Variants in GRIN2B observed in about 807,000 individuals in gnomAD.
GRIN2B encodes glutamate ionotropic receptor NMDA type subunit 2B.
In GRIN2B, 5 loss-of-function variants were observed where a neutral mutation model predicts 114.5. The ratio of observed to expected loss-of-function variants is 0.04; its 90% CI spans 0.02 to 0.09. GRIN2B has a LOEUF of 0.09. Among genes scored for constraint, GRIN2B ranks in the 10% least tolerant of loss-of-function variants. The pLI, the probability that GRIN2B is intolerant of heterozygous loss-of-function variation, is 1.00. For synonymous variants in GRIN2B, 787 were observed against 745.1 expected, an observed-to-expected ratio of 1.06 and a Z score of -0.92; for missense variants, 1,108 against 1,943.5, an observed-to-expected ratio of 0.57 and a Z score of 8.08.
At chr12:13,885,954 G>T (rs1866149397) in intron 2 of GRIN2B, among the ~76,000 whole-genome samples, 2 of 152,116 alleles carry the variant, frequency 1.3e-5, no homozygotes, top group African/African-American at 4.8e-5. Flanking sequence ...AGGTGATGTG[G>T]AACACCTGGA....
intron 2 of GRIN2B, among the ~76,000 whole-genome samples, chr12:13,909,632 G>A (rs1392125376): frequency 2.0e-5 from 3 of 152,164 alleles, no homozygotes; most frequent in African/African-American, 2.4e-5. Flanking sequence ...GCGGCCTGAC[G>A]GCTGACACTT....
chr12:13,549,993 C>A lies in GRIN2B; in HGVS notation c.*12790G>T, dbSNP rs973543021. 3.3e-5 allele frequency: 5 copies of A among 152,298 alleles called. No homozygotes were observed. Among genetic ancestry groups the A allele is most frequent in the Admixed American group, 2.6e-4 (4 of 15,296 alleles). The allele number at this position is 152,298 out of a possible 1,614,324, so 9.4% of individuals were successfully genotyped here. ...GGGGCAGACAATTCAGGCAGCATTA[C>A]TCGCTGAGCTAGACTGAGAGTTAGA... On this transcript the variant is annotated 3_prime_UTR_variant, in exon 14 of 14. Coordinates refer to ENST00000609686, the MANE Select transcript of GRIN2B (RefSeq NM_000834.5).
chr12:13,970,103 G>A (rs1049294189), intron 2 of GRIN2B, among the ~76,000 whole-genome samples: 5 of 152,112 alleles, frequency 3.3e-5, no homozygotes, highest in Admixed American at 6.6e-5. Context: ...CACCTGCCTC[G>A]GCCTCCCAAG....
intron 3 of GRIN2B, among the ~76,000 whole-genome samples, chr12:13,775,691 A>G (rs1380428262): frequency 6.6e-6 from 1 of 152,240 alleles, no homozygotes; most frequent in Non-Finnish European, 1.5e-5. Context: ...GCAGTATATG[A>G]AAAGTGTACC....
intron 10 of GRIN2B, 136 bp downstream of exon 10, chr12:13,608,467 A>G: frequency 1.4e-6 from 1 of 710,626 alleles, no homozygotes; most frequent in Non-Finnish European, 2.5e-6. Context: ...TTCTACTCCC[A>G]TGTTCCAATA....
At chr12:13,959,141 A>G (rs1221768637) in intron 2 of GRIN2B, among the ~76,000 whole-genome samples, 1 of 152,214 alleles carries the variant, frequency 6.6e-6, no homozygotes, top group Non-Finnish European at 1.5e-5. Flanking sequence ...GTTATTCAGG[A>G]AAGTTTCTTA....
At chr12:13,618,084 A>C (rs373969737) in intron 5 of GRIN2B, among the ~76,000 whole-genome samples, 2 of 152,184 alleles carry the variant, frequency 1.3e-5, no homozygotes, top group Non-Finnish European at 2.9e-5. Context: ...GCTTTCCTTC[A>C]TGTGTATAGG....
chr12:13,761,176 A>G (rs1164366288), intron 3 of GRIN2B, among the ~76,000 whole-genome samples: 2 of 152,226 alleles, frequency 1.3e-5, no homozygotes, highest in East Asian at 3.8e-4. Flanking sequence ...AGATCTGGCA[A>G]GTTTAAGAGC....
chr12:13,733,433 T>C (rs1375832651), intron 4 of GRIN2B, among the ~76,000 whole-genome samples: 2 of 152,114 alleles, frequency 1.3e-5, no homozygotes, highest in Non-Finnish European at 2.9e-5. Context: ...ATTGGGTAAT[T>C]AAACTAACTG....
chr12:13,590,994 A>G (rs957597220), intron 10 of GRIN2B, among the ~76,000 whole-genome samples: 1 of 152,112 alleles, frequency 6.6e-6, no homozygotes, highest in Non-Finnish European at 1.5e-5. Context: ...AAGACCCACA[A>G]GGTTGGCTGC....
At position 13,553,663 on chromosome 12, in the gene GRIN2B, C is replaced by T. The variant is rs2216212; in HGVS notation, c.*9120G>A. 0.9 allele frequency: 137,549 copies of T among 152,164 alleles called. 63,825 individuals carry two copies. Among genetic ancestry groups the T allele is most frequent in the East Asian group, 1 (5,160 of 5,160 alleles). 9.4% of individuals were successfully genotyped at this position (152,164 alleles called of 1,614,324 possible). A position where few individuals can be genotyped will look rare whatever the true frequency, so the allele number is the denominator to read the frequency against. ...GAACTGTGACAAGGTTCTTTTGGTG[C>T]TGAAAGTGTTAAAAAAGAAGCTAAA... On this transcript the variant is annotated 3_prime_UTR_variant, in exon 14 of 14. Coordinates refer to ENST00000609686, the MANE Select transcript of GRIN2B (RefSeq NM_000834.5).
At chr12:13,754,689 A>G (rs2136630463) in intron 3 of GRIN2B, among the ~76,000 whole-genome samples, 1 of 152,330 alleles carries the variant, frequency 6.6e-6, no homozygotes. Context: ...CTAAGCTGCA[A>G]GTTAAAATTA....
intron 2 of GRIN2B, among the ~76,000 whole-genome samples, chr12:13,963,375 A>G (rs1867732088): frequency 6.6e-6 from 1 of 152,126 alleles, no homozygotes; most frequent in Non-Finnish European, 1.5e-5. Context: ...TCTCCGCGGC[A>G]TGACAGCTGT....
At position 13,653,685 on chromosome 12, in the gene GRIN2B, G is replaced by A. The variant is rs11055564; in HGVS notation, c.1125+22060C>T. On this transcript the variant is annotated intron_variant, in intron 5 of 13. Transcript: ENST00000609686. Reference sequence around the variant, plus strand: ...AATTTACACATAAGAAATCACAAATGGCATTAGGAAGGGCAATTATAATGG... The same window carrying A: ...AATTTACACATAAGAAATCACAAATAGCATTAGGAAGGGCAATTATAATGG... Among the ~76,000 whole-genome samples the A allele has an allele frequency of 1.1e-3, 170 of 152,180 alleles. 1 individual carries two copies. The East Asian group carries it at 0.029, about 26-fold the overall frequency.
chr12:13,962,464 G>T (rs1591643275), intron 2 of GRIN2B, among the ~76,000 whole-genome samples: 1 of 152,164 alleles, frequency 6.6e-6, no homozygotes, highest in African/African-American at 2.4e-5. Context: ...ACCCTGAATT[G>T]CCTATGCTAC....
At chr12:13,665,530 TG>T (rs1565493293) in intron 5 of GRIN2B, among the ~76,000 whole-genome samples, 1 of 152,150 alleles carries the variant, frequency 6.6e-6, no homozygotes, top group East Asian at 1.9e-4. Context: ...CTCCATGTAT[TG>T]AGGCAAAAAG....
intron 3 of GRIN2B, among the ~76,000 whole-genome samples, chr12:13,804,327 G>T (rs1186980741): frequency 6.6e-6 from 1 of 151,244 alleles, no homozygotes; most frequent in Non-Finnish European, 1.5e-5. Flanking sequence ...TCAGTGGTTT[G>T]TTAGTGTTTC....
chr12:13,981,272 C>T (rs958991713), intron 1 of GRIN2B, 70 bp downstream of exon 1: 1 of 152,372 alleles, frequency 6.6e-6, no homozygotes, highest in Non-Finnish European at 1.5e-5. Flanking sequence ...ACGGCTTCGA[C>T]CCTTTATCTG....
chr12:13,830,691 A>T (rs1204202783), intron 3 of GRIN2B, among the ~76,000 whole-genome samples: 4 of 152,246 alleles, frequency 2.6e-5, no homozygotes, highest in African/African-American at 9.6e-5. Flanking sequence ...AAGCCACAAG[A>T]TAGCATCAGG....
Sources: gnomAD v4.1 joint callset for allele counts (sites outside exome capture counted in the v4.1 genomes callset) on GRCh38, gnomAD v4.1.1 for gene constraint, MANE v1.5 for transcripts, NCBI Gene and HGNC (gene_info 2026-07-23, HGNC 2026-07-21) for gene names.